Variants in RBFOX1 observed in about 807,000 individuals in gnomAD.
RBFOX1 encodes RNA binding fox-1 homolog 1.
Under a neutral mutation model 57.7 loss-of-function variants are expected in RBFOX1, and 8 were observed. That is an observed-to-expected ratio of 0.14 (90% confidence interval 0.08 to 0.25). The LOEUF is 0.25. RBFOX1 is among the 10% of genes least tolerant of loss of function. The pLI, the probability that RBFOX1 is intolerant of heterozygous loss-of-function variation, is 1.00. For synonymous variants in RBFOX1, 326 were observed against 222.4 expected (o/e 1.47, Z -4.15); for missense variants, 611 against 548.5 (o/e 1.11, Z -1.14).
At chr16:5,941,653 G>A (rs1017552897) in intron 4 of RBFOX1, among the ~76,000 whole-genome samples, 1 of 152,102 alleles carries the variant, frequency 6.6e-6, no homozygotes, top group Non-Finnish European at 1.5e-5. Context: ...TGGAGCACAT[G>A]GAAGACCTAC....
At chr16:7,002,509 G>A (rs55902534) in intron 3 of RBFOX1, among the ~76,000 whole-genome samples, 1 of 151,988 alleles carries the variant, frequency 6.6e-6, no homozygotes, top group Non-Finnish European at 1.5e-5. Flanking sequence ...GTCAGGAGTT[G>A]GAGACCAGCC....
chr16:6,654,427 C>T (rs76010210), intron 2 of RBFOX1, among the ~76,000 whole-genome samples, 176 bp from the exon 3 acceptor site: 2,372 of 152,184 alleles, frequency 0.016, 65 homozygotes, highest in African/African-American at 0.053. Context: ...ATGCAAACAC[C>T]GCAGTATGTA....
chr16:7,431,069 G>A (rs1386019295), intron 4 of RBFOX1: 2 of 152,290 alleles, frequency 1.3e-5, no homozygotes, highest in East Asian at 3.9e-4. Flanking sequence ...TAAGGCACAG[G>A]CAGCACCAGC....
At chr16:7,240,540 T>A (rs1038299891) in intron 4 of RBFOX1, among the ~76,000 whole-genome samples, 10 of 151,932 alleles carry the variant, frequency 6.6e-5, no homozygotes, top group African/African-American at 2.4e-4. Context: ...GTGGTGTTTT[T>A]TGTTTGTTTG....
At chr16:7,045,993 C>T (rs948541192) in intron 3 of RBFOX1, among the ~76,000 whole-genome samples, 4 of 152,100 alleles carry the variant, frequency 2.6e-5, no homozygotes, top group Admixed American at 1.3e-4. Context: ...AAAATCAATG[C>T]TATCACTATT....
At chr16:5,798,451 G>T (rs1416942260) in intron 3 of RBFOX1, among the ~76,000 whole-genome samples, 2 of 152,174 alleles carry the variant, frequency 1.3e-5, no homozygotes, top group Non-Finnish European at 2.9e-5. Context: ...GGACTGGGAG[G>T]ATATGGGACT....
intron 3 of RBFOX1, among the ~76,000 whole-genome samples, chr16:6,947,184 CTT>C (rs2079711756): frequency 6.6e-6 from 1 of 152,166 alleles, no homozygotes; most frequent in African/African-American, 2.4e-5. Flanking sequence ...GATTTCAACT[CTT>C]TATGTGAAGG....
chr16:6,699,644 C>A (rs1275266926), intron 3 of RBFOX1, among the ~76,000 whole-genome samples: 1 of 152,192 alleles, frequency 6.6e-6, no homozygotes, highest in East Asian at 1.9e-4. Context: ...GAATACTCAT[C>A]TGTCAACCAG....
At chr16:5,980,650 C>T (rs2060153358) in intron 4 of RBFOX1, among the ~76,000 whole-genome samples, 1 of 152,136 alleles carries the variant, frequency 6.6e-6, no homozygotes, top group Admixed American at 6.5e-5. Flanking sequence ...AGGTAAGACA[C>T]TGAGCAGGCA....
intron 3 of RBFOX1, among the ~76,000 whole-genome samples, chr16:6,708,132 C>T (rs998423414): frequency 1.3e-5 from 2 of 152,158 alleles, no homozygotes; most frequent in African/African-American, 4.8e-5. Flanking sequence ...CCACAGACAC[C>T]TGGCTTGGGG....
At chr16:7,367,117 T>C (rs1052808217) in intron 4 of RBFOX1, among the ~76,000 whole-genome samples, 1 of 151,892 alleles carries the variant, frequency 6.6e-6, no homozygotes, top group African/African-American at 2.4e-5. Flanking sequence ...ATACTGCCGG[T>C]GAGCCCATTT....
chr16:6,348,774 G>C (rs2085796076), intron 2 of RBFOX1, among the ~76,000 whole-genome samples: 1 of 152,030 alleles, frequency 6.6e-6, no homozygotes, highest in Non-Finnish European at 1.5e-5. Context: ...ATTCATGAAG[G>C]ATCCACACCC....
At chr16:5,736,491 C>G (rs1014319516) in intron 3 of RBFOX1, among the ~76,000 whole-genome samples, 2 of 152,126 alleles carry the variant, frequency 1.3e-5, no homozygotes, top group African/African-American at 2.4e-5. Context: ...GACTCTCCTC[C>G]CTGCTTCCCA....
At chr16:5,664,488 A>G (rs546183540) in intron 3 of RBFOX1, among the ~76,000 whole-genome samples, 1 of 152,128 alleles carries the variant, frequency 6.6e-6, no homozygotes, top group Admixed American at 6.6e-5. Context: ...CGGAGGTTGC[A>G]ATGAACCGAG....
At chr16:7,706,784 C>T (rs909975054) in intron 14 of RBFOX1, among the ~76,000 whole-genome samples, 3 of 152,114 alleles carry the variant, frequency 2.0e-5, no homozygotes, top group African/African-American at 7.2e-5. Flanking sequence ...AGACTTCATT[C>T]CCTCATGAAA....
intron 2 of RBFOX1, among the ~76,000 whole-genome samples, chr16:6,378,669 C>T (rs917753078): frequency 5.3e-4 from 81 of 152,200 alleles, no homozygotes; most frequent in Admixed American, 2.3e-3. Flanking sequence ...CAGAGCTCAT[C>T]TCAAATGTCA....
At chr16:7,010,706 C>T (rs2093614203) in intron 3 of RBFOX1, among the ~76,000 whole-genome samples, 1 of 152,008 alleles carries the variant, frequency 6.6e-6, no homozygotes, top group South Asian at 2.1e-4. Flanking sequence ...TGGGATTACA[C>T]TTGCATGCCA....
At chr16:7,351,710 C>T (rs758888594) in intron 4 of RBFOX1, among the ~76,000 whole-genome samples, 18 of 152,152 alleles carry the variant, frequency 1.2e-4, no homozygotes, top group Non-Finnish European at 2.9e-5. Flanking sequence ...CTTTACTCTC[C>T]CATGCCCTAA....
In RBFOX1 at chr16:7,618,172, T is replaced by A. The variant is rs189033223; in HGVS notation, c.676+10834T>A. On this transcript the variant is annotated intron_variant, in intron 10 of 15. Transcript: ENST00000550418. ...GACCTTAAAATTTTACATAATGAAA[T>A]CTGAATTTTGGAATTTATCCTTTCA... 1.1e-3 allele frequency among the ~76,000 whole-genome samples: 175 copies of A among 152,214 alleles called. 2 individuals carry two copies. Among genetic ancestry groups the A allele is most frequent in the Admixed American group, 0.011 (174 of 15,288 alleles).
Sources: gnomAD v4.1 joint callset for allele counts (sites outside exome capture counted in the v4.1 genomes callset) on GRCh38, gnomAD v4.1.1 for gene constraint, MANE v1.5 for transcripts, NCBI Gene and HGNC (gene_info 2026-07-23, HGNC 2026-07-21) for gene names.